The following NAF1 variants were observed in gnomAD, a reference collection of about 807,000 sequenced individuals.
NAF1 encodes the protein H/ACA ribonucleoprotein complex non-core subunit NAF1.
NAF1 carries 11 observed loss-of-function variants against 40.6 expected under a neutral mutation model. The observed-to-expected ratio is 0.27, with a 90% CI of 0.17 to 0.45. The LOEUF (loss-of-function observed/expected upper bound fraction) is 0.45. NAF1 is among the 20% of genes least tolerant of loss of function. The pLI is 1.00. For synonymous variants in NAF1, 260 were observed against 228.5 expected, an observed-to-expected ratio of 1.14 and a Z score of -1.24; for missense variants, 607 against 611.1, an observed-to-expected ratio of 0.99 and a Z score of 0.07.
At chr4:163,150,778 ATTATT>A (rs1190180455) in intron 2 of NAF1, among the ~76,000 whole-genome samples, 3 of 152,100 alleles carry the variant, frequency 2.0e-5, no homozygotes, top group Non-Finnish European at 4.4e-5. Context: ...CCTGTGATAA[ATTATT>A]TTAAGTGGTC....
chr4:163,129,377 A>G, intron 7 of NAF1, 29 bp from the exon 8 acceptor site: 2 of 1,553,758 alleles, frequency 1.3e-6, no homozygotes, highest in Non-Finnish European at 1.8e-6. Context: ...AAAACATAAA[A>G]AGGAAAATAA....
intron 6 of NAF1, 100 bp downstream of exon 6, chr4:163,137,099 G>T: frequency 7.6e-7 from 1 of 1,319,218 alleles, no homozygotes; most frequent in Non-Finnish European, 1.1e-6. Context: ...ATGGCTGCTA[G>T]CCAGTATTAA....
chr4:163,164,478 TTA>T (rs1732369373), intron 1 of NAF1, 87 bp from the exon 2 acceptor site: 3 of 959,658 alleles, frequency 3.1e-6, no homozygotes, highest in Non-Finnish European at 4.4e-6. Context: ...AATATCAACT[TTA>T]ATACAAGTTT....
At chr4:163,124,799 C>A (rs1043728066), downstream of NAF1, among the ~76,000 whole-genome samples, 6 of 152,210 alleles carry the variant, frequency 3.9e-5, no homozygotes, top group Non-Finnish European at 8.8e-5. Flanking sequence ...ATACTACAGG[C>A]ATACACTGTT....
intron 7 of NAF1, among the ~76,000 whole-genome samples, chr4:163,131,692 G>T (rs886711629): frequency 6.6e-6 from 1 of 152,092 alleles, no homozygotes; most frequent in Admixed American, 6.5e-5. Flanking sequence ...GAAGTTCTCA[G>T]ATTCCATAAA....
intron 2 of NAF1, among the ~76,000 whole-genome samples, chr4:163,120,149 T>A (rs1730474386): frequency 2.6e-5 from 4 of 151,966 alleles, no homozygotes; most frequent in Admixed American, 2.6e-4. Flanking sequence ...TGGGGGAGAG[T>A]GCAAATGTTT....
At chr4:163,139,994 T>C (rs1731194823) in intron 5 of NAF1, among the ~76,000 whole-genome samples, 1 of 152,114 alleles carries the variant, frequency 6.6e-6, no homozygotes, top group Admixed American at 6.5e-5. Context: ...AAAGTGTACA[T>C]GGCTCAAATG....
intron 4 of NAF1, among the ~76,000 whole-genome samples, chr4:163,141,392 A>ATGCCAGTATAGATTT (rs1444682589): frequency 6.6e-6 from 1 of 152,172 alleles, no homozygotes; most frequent in Non-Finnish European, 1.5e-5. Context: ...ACCATGATCA[A>ATGCCAGTATAGATTT]TGCCAGTATA....
chr4:163,129,353 G>T lies in NAF1; in HGVS notation c.1034-5C>A. On this transcript the variant is annotated splice_region_variant and splice_polypyrimidine_tract_variant and intron_variant, in intron 7 of 7. Transcript: ENST00000274054. The stretch of plus-strand genomic sequence containing the variant: ...GTACTTCAGTAAAATCTTCACCTTT[G>T]AGTGAGGGGAGGGAAAACATAAAAA... 1.3e-6 allele frequency: 2 copies of T among 1,591,832 alleles called. No individual in the cohort carries two copies. Among genetic ancestry groups the T allele is most frequent in the Non-Finnish European group, 8.6e-7 (1 of 1,162,290 alleles).
chr4:163,122,945 G>A (rs755823308), downstream of NAF1, among the ~76,000 whole-genome samples: 2 of 152,284 alleles, frequency 1.3e-5, no homozygotes, highest in Non-Finnish European at 2.9e-5. Flanking sequence ...CATGTCCTTT[G>A]GTAAGTTATG....
intron 2 of NAF1, among the ~76,000 whole-genome samples, chr4:163,155,914 T>G (rs932502574): frequency 1.3e-4 from 19 of 148,372 alleles, no homozygotes; most frequent in African/African-American, 4.7e-4. Flanking sequence ...AAAGGCATAC[T>G]AATAAACTAA....
chr4:163,143,144 T>C (rs1171924255), intron 4 of NAF1, among the ~76,000 whole-genome samples: 1 of 152,232 alleles, frequency 6.6e-6, no homozygotes, highest in Non-Finnish European at 1.5e-5. Flanking sequence ...TGATGCTTTA[T>C]ACTTGCCCTG....
chr4:163,117,715 A>ACG (rs1553957228), intron 2 of NAF1, among the ~76,000 whole-genome samples: 1 of 151,324 alleles, frequency 6.6e-6, no homozygotes, highest in African/African-American at 2.4e-5. Flanking sequence ...ACACACACAC[A>ACG]CACGCATGAA....
intron 2 of NAF1, among the ~76,000 whole-genome samples, chr4:163,112,283 G>A (rs564703540): frequency 1.8e-4 from 27 of 152,232 alleles, no homozygotes; most frequent in Non-Finnish European, 3.8e-4. Context: ...CTGTAAAGAA[G>A]GCAGTCATAG....
chr4:163,164,185 G>T (rs1732347688), intron 2 of NAF1, 32 bp downstream of exon 2: 2 of 1,475,934 alleles, frequency 1.4e-6, no homozygotes, highest in Non-Finnish European at 1.8e-6. Context: ...TTTAAAACAT[G>T]CAAACTAAGC....
intron 2 of NAF1, chr4:163,117,396 T>C (rs1450971350): frequency 6.6e-6 from 1 of 152,160 alleles, no homozygotes; most frequent in African/African-American, 2.4e-5. Flanking sequence ...ATTGAATAAA[T>C]GAATATATTA....
At chr4:163,106,912 A>G (rs926000514), downstream of NAF1, among the ~76,000 whole-genome samples, 1 of 152,182 alleles carries the variant, frequency 6.6e-6, no homozygotes, top group African/African-American at 2.4e-5. Flanking sequence ...TTCTTTTCTC[A>G]TATTTTCAAA....
At chr4:163,152,619 T>C (rs1398908528) in intron 2 of NAF1, among the ~76,000 whole-genome samples, 1 of 152,236 alleles carries the variant, frequency 6.6e-6, no homozygotes, top group Non-Finnish European at 1.5e-5. Flanking sequence ...GACACTGTTA[T>C]CTGAAATCAC....
chr4:163,127,406 A>AG (rs1295028761), downstream of NAF1, among the ~76,000 whole-genome samples: 17 of 152,228 alleles, frequency 1.1e-4, no homozygotes, highest in African/African-American at 3.6e-4. Flanking sequence ...CTGGGATTAC[A>AG]GGCATGAGCC....
Sources: gnomAD v4.1 joint callset for allele counts (sites outside exome capture counted in the v4.1 genomes callset) on GRCh38, gnomAD v4.1.1 for gene constraint, MANE v1.5 for transcripts, NCBI Gene and HGNC (gene_info 2026-07-23, HGNC 2026-07-21) for gene names.